CLK3: variants seen among roughly 807,000 people sequenced by gnomAD.
CLK3 encodes dual specificity protein kinase CLK3.
A neutral mutation model predicts 65.2 loss-of-function variants in CLK3; 24 were observed. The ratio of observed to expected loss-of-function variants is 0.37; its 90% confidence interval spans 0.27 to 0.52. The LOEUF (loss-of-function observed/expected upper bound fraction) is 0.52, where lower values mean the gene tolerates loss of function less well. CLK3 is among the 20% of genes least tolerant of loss of function. The pLI is 0.92. For synonymous variants in CLK3, 252 were observed against 240.8 expected (o/e 1.05, Z -0.43); for missense variants, 506 against 660.0 (o/e 0.77, Z 2.56).
intron 5 of CLK3, chr15:74,623,716 A>G (rs2062121736): frequency 6.6e-6 from 1 of 152,224 alleles, no homozygotes. Context: ...CTGGAGGGAA[A>G]ATGAGCCTCT....
upstream of CLK3, chr15:74,614,813 G>C (rs2062036259): frequency 6.6e-6 from 1 of 152,236 alleles, no homozygotes; most frequent in African/African-American, 2.4e-5. Context: ...CCCAAGGAGG[G>C]GGCGGTGCCT....
chr15:74,615,534 C>T (rs1432395083), upstream of CLK3: 2 of 1,289,090 alleles, frequency 1.6e-6, no homozygotes, highest in East Asian at 3.1e-5. Context: ...AGCCCCACGG[C>T]CAGGTCGGGG....
Position 74,630,179 on chromosome 15 carries a change from A to C in CLK3, c.*296A>C. 1.2e-5 allele frequency: 4 copies of C among 328,980 alleles called. No homozygotes were observed. The highest frequency in any genetic ancestry group is 8.5e-5 in the Admixed American group (2 of 23,666). 20.4% of individuals were successfully genotyped at this position (328,980 alleles called of 1,614,324 possible). On this transcript the variant is annotated 3_prime_UTR_variant, in exon 13 of 13. Transcript: ENST00000395066. ...GCCTTCCCCTTACCTGACCTTATTA[A>C]TAAAGTCTTTCTTAGCAGTTCAGCT...
At chr15:74,629,238 T>A (rs761592797) in intron 12 of CLK3, 1 of 666,648 alleles carries the variant, frequency 1.5e-6, no homozygotes, top group African/African-American at 1.8e-5. Flanking sequence ...CCCTTCCCCA[T>A]AGGGTGGCTA....
intron 10 of CLK3, 40 bp downstream of exon 10, chr15:74,628,092 C>T (rs1346521491): frequency 2.9e-6 from 4 of 1,401,870 alleles, no homozygotes; most frequent in Non-Finnish European, 4.1e-6. Context: ...CTGAGTACTG[C>T]TACTGTGATA....
chr15:74,618,187 A>T (rs980080252), intron 1 of CLK3, among the ~76,000 whole-genome samples: 1 of 152,052 alleles, frequency 6.6e-6, no homozygotes, highest in African/African-American at 2.4e-5. Flanking sequence ...GCCAAGTGTG[A>T]GTGTTGGGAA....
chr15:74,618,662 C>T (rs558663934), intron 1 of CLK3, among the ~76,000 whole-genome samples: 1 of 152,326 alleles, frequency 6.6e-6, no homozygotes, highest in African/African-American at 2.4e-5. Context: ...CACTTGTGGT[C>T]CTTACTCCCT....
chr15:74,620,343 C>T (rs2062092378), intron 3 of CLK3, 118 bp downstream of exon 3: 7 of 1,368,548 alleles, frequency 5.1e-6, no homozygotes, highest in South Asian at 2.6e-5. Flanking sequence ...CACTGGTGTG[C>T]GTGCATGTGT....
chr15:74,621,216 A>G lies in CLK3; in HGVS notation c.370-904A>G, dbSNP rs1205266829. Reference sequence around the variant, plus strand: ...GCGTGGCCCTTTCACCTCTTTGCACACTGCCACATGCTGCCACAGGATGGC... The same window carrying G: ...GCGTGGCCCTTTCACCTCTTTGCACGCTGCCACATGCTGCCACAGGATGGC... On this transcript the variant is annotated intron_variant, in intron 3 of 12. Transcript: ENST00000395066. The surrounding 1 kb of genome is among the most constrained non-coding windows in gnomAD (Gnocchi z 4.8). The G allele has an allele frequency of 3.3e-5, 5 of 152,600 alleles. No homozygotes were observed. Among genetic ancestry groups the G allele is most frequent in the Non-Finnish European group, 2.9e-5 (2 of 68,382 alleles). The allele number at this position is 152,600 out of a possible 1,614,324, so 9.5% of individuals were successfully genotyped here. A position where few individuals can be genotyped will look rare whatever the true frequency, so the allele number is the denominator to read the frequency against.
rs183523626 is a variant in CLK3, at chr15:74,620,469, C to T, written c.369+244C>T. ...ACTCTGGCTCCGATGCTGGCTGGCC[C>T]CTGGCCTGTCTATGTCTACACAGTG... On this transcript the variant is annotated intron_variant, in intron 3 of 12. Transcript: ENST00000395066. 4.3e-3 allele frequency: 2,658 copies of T among 613,132 alleles called. 9 individuals carry two copies. The highest frequency in any genetic ancestry group is 6.6e-3 in the Non-Finnish European group (2,322 of 352,482). The allele number at this position is 613,132 out of a possible 1,614,324, so 38.0% of individuals were successfully genotyped here.
At chr15:74,615,696 G>A, upstream of CLK3, 2 of 1,238,520 alleles carry the variant, frequency 1.6e-6, no homozygotes, top group Non-Finnish European at 2.0e-6. Flanking sequence ...CGCGGCGCCC[G>A]CCGGAGCGGA....
rs748355287 is a variant in CLK3, at chr15:74,620,073, G to A, written c.217G>A (p.Glu73Lys). 9.9e-6 allele frequency: 16 copies of A among 1,614,098 alleles called. No individual in the cohort carries two copies. The highest frequency in any genetic ancestry group is 1.3e-5 in the African/African-American group (1 of 74,926). The change falls in exon 3 of 13, where the codon GAA becomes AAA. Residue 73 changes from glutamate to lysine, a missense_variant. Physicochemically the swap from Glu to Lys is moderately conservative, Grantham distance 56. Transcript: ENST00000395066. ...ERRDSDTYRC[E>K]ERSPSFGEDY... ...CCGTGACAGCGATACATACCGGTGT[G>A]AAGAGCGGAGCCCATCCTTTGGAGA...
chr15:74,610,826 C>A (rs2061980310), intron 1 of CLK3, among the ~76,000 whole-genome samples: 2 of 152,254 alleles, frequency 1.3e-5, no homozygotes, highest in Admixed American at 6.5e-5. Flanking sequence ...AGCAGTGGCT[C>A]CAGGTGGGCC....
intron 1 of CLK3, 192 bp from the exon 2 acceptor site, chr15:74,619,005 A>G (rs59825838): frequency 0.061 from 37,377 of 614,166 alleles, 1,712 homozygotes; most frequent in African/African-American, 0.17. Context: ...TGGCAGAGAA[A>G]GTTGTTTCCT....
In CLK3 at chr15:74,621,677, G is replaced by C. The variant is rs1249892357; in HGVS notation, c.370-443G>C. 3.2e-6 allele frequency: 1 copy of C among 311,682 alleles called. No individual in the cohort carries two copies. The highest frequency in any genetic ancestry group is 4.2e-5 in the Admixed American group (1 of 23,968). 19.3% of individuals were successfully genotyped at this position (311,682 alleles called of 1,614,324 possible). On this transcript the variant is annotated intron_variant, in intron 3 of 12. Transcript: ENST00000395066. The surrounding 1 kb of genome is among the most constrained non-coding windows in gnomAD (Gnocchi z 4.8). Reference sequence around the variant, plus strand: ...CAGGCGGGGCCAGCTGCCTTCTTGCGCCGCCGTTCTCACTGCATCTTCCGC... The same window carrying C: ...CAGGCGGGGCCAGCTGCCTTCTTGCCCCGCCGTTCTCACTGCATCTTCCGC...
upstream of CLK3, chr15:74,615,817 A>T: frequency 2.4e-6 from 3 of 1,247,028 alleles, no homozygotes; most frequent in Non-Finnish European, 3.0e-6. Context: ...CGGGGCTGCC[A>T]CGGGCGGAGG....
At chr15:74,615,691 C>T, upstream of CLK3, 2 of 1,238,990 alleles carry the variant, frequency 1.6e-6, no homozygotes, top group Non-Finnish European at 2.0e-6. Context: ...TAGGCCGCGG[C>T]GCCCGCCGGA....
upstream of CLK3, chr15:74,615,473 C>G (rs2062045597): frequency 5.3e-6 from 7 of 1,315,710 alleles, no homozygotes; most frequent in South Asian, 1.5e-4. Context: ...CCTCTCCGCG[C>G]GCAGGAGGGA....
chr15:74,621,716 C>G lies in CLK3; in HGVS notation c.370-404C>G, dbSNP rs1283934726. 8.7e-6 allele frequency: 3 copies of G among 344,698 alleles called. No individual in the cohort carries two copies. Among genetic ancestry groups the G allele is most frequent in the African/African-American group, 6.4e-5 (3 of 46,568 alleles). The allele number at this position is 344,698 out of a possible 1,614,324, so 21.4% of individuals were successfully genotyped here. A position where few individuals can be genotyped will look rare whatever the true frequency, so the allele number is the denominator to read the frequency against. ...TGCATCTTCCGCTCTGGCCCAAAGC[C>G]ACATGGGAGGGTCTGGGAGGGAGAG... On this transcript the variant is annotated intron_variant, in intron 3 of 12. Transcript: ENST00000395066. This position sits in a 1 kb window ranked among gnomAD's most constrained non-coding sequence, Gnocchi z 4.8.
Sources: gnomAD v4.1 joint callset for allele counts (sites outside exome capture counted in the v4.1 genomes callset) on GRCh38, gnomAD v4.1.1 for gene constraint, Gnocchi (gnomAD v3.1) non-coding constraint, MANE v1.5 for transcripts, NCBI Gene and HGNC (gene_info 2026-07-23, HGNC 2026-07-21) for gene names.